The following NSUN3 variants were observed in gnomAD, a reference collection of about 807,000 sequenced individuals.
NSUN3 encodes the protein NOP2/Sun RNA methyltransferase 3.
A neutral mutation model predicts 36.8 loss-of-function variants in NSUN3; 24 were observed. The observed-to-expected ratio is 0.65, with a 90% CI of 0.47 to 0.92. The LOEUF (loss-of-function observed/expected upper bound fraction) is 0.92, where lower values mean the gene tolerates loss of function less well. Among genes scored for constraint, NSUN3 ranks in the 40% least tolerant of loss-of-function variants. The probability of loss-of-function intolerance (pLI) is 0.00; values close to 1 mark genes in which losing one functional copy is unlikely to be tolerated. For missense variants in NSUN3, 381 were observed against 392.8 expected, an observed-to-expected ratio of 0.97 and a Z score of 0.25; for synonymous variants, 146 against 145.2, an observed-to-expected ratio of 1.01 and a Z score of -0.04.
intron 5 of NSUN3, among the ~76,000 whole-genome samples, chr3:94,099,384 A>G (rs1337423142): frequency 6.6e-6 from 1 of 152,076 alleles, no homozygotes; most frequent in African/African-American, 2.4e-5. Flanking sequence ...CCTCTCTTCC[A>G]TCATCTTACT....
At chr3:94,099,119 A>G (rs975209719) in intron 5 of NSUN3, among the ~76,000 whole-genome samples, 5 of 152,230 alleles carry the variant, frequency 3.3e-5, no homozygotes, top group African/African-American at 1.2e-4. Flanking sequence ...TCTGACAAAA[A>G]TAATGATGTA....
chr3:94,091,775 C>G (rs1406697078), intron 3 of NSUN3, among the ~76,000 whole-genome samples: 2 of 152,154 alleles, frequency 1.3e-5, no homozygotes, highest in Non-Finnish European at 2.9e-5. Flanking sequence ...TTCTCTGAGG[C>G]CCTTAGTATT....
At chr3:94,088,657 A>ATAGGGACAGATCC (rs1318183651) in intron 3 of NSUN3, among the ~76,000 whole-genome samples, 15 of 150,042 alleles carry the variant, frequency 1.0e-4, no homozygotes, top group African/African-American at 3.7e-4. Flanking sequence ...GTCCTGGAGC[A>ATAGGGACAGATCC]TAGGGACAGA....
intron 2 of NSUN3, chr3:94,081,627 T>G (rs889148660): frequency 6.6e-6 from 1 of 152,230 alleles, no homozygotes; most frequent in African/African-American, 2.4e-5. Context: ...TTCTCATCCT[T>G]CAAGATTTAA....
At chr3:94,124,979 G>C (rs763234111) in intron 5 of NSUN3, among the ~76,000 whole-genome samples, 1 of 152,120 alleles carries the variant, frequency 6.6e-6, no homozygotes, top group Non-Finnish European at 1.5e-5. Context: ...CTCATTTTCA[G>C]TCAGTCTGTT....
At chr3:94,075,734 C>CA (rs1410770289) in intron 2 of NSUN3, among the ~76,000 whole-genome samples, 1 of 151,844 alleles carries the variant, frequency 6.6e-6, no homozygotes, top group African/African-American at 2.4e-5. Flanking sequence ...AATCAAGCCC[C>CA]CCCCCCCAAT....
intron 5 of NSUN3, among the ~76,000 whole-genome samples, chr3:94,117,007 T>C (rs971407321): frequency 4.8e-5 from 7 of 144,678 alleles, no homozygotes; most frequent in Non-Finnish European, 9.1e-5. Context: ...TTTTTTTTTT[T>C]TTTTTTTGGG....
intron 3 of NSUN3, among the ~76,000 whole-genome samples, chr3:94,092,468 T>C (rs748129818): frequency 1.1e-4 from 17 of 152,178 alleles, no homozygotes; most frequent in Non-Finnish European, 2.4e-4. Context: ...TTTAGACACC[T>C]ATTTAAGTTC....
At chr3:94,076,597 A>G in intron 2 of NSUN3, 1 of 878,368 alleles carries the variant, frequency 1.1e-6, no homozygotes, top group Admixed American at 1.7e-5. Flanking sequence ...CTGAAGCACT[A>G]AGTAAGTGCC....
intron 1 of NSUN3, 102 bp downstream of exon 1, chr3:94,063,240 T>G: frequency 8.7e-7 from 1 of 1,145,922 alleles, no homozygotes; most frequent in Non-Finnish European, 1.3e-6. Context: ...ACATCACCTT[T>G]GTTCGTCCCC....
chr3:94,072,066 C>G (rs2077226584), intron 2 of NSUN3, among the ~76,000 whole-genome samples: 1 of 152,134 alleles, frequency 6.6e-6, no homozygotes, highest in African/African-American at 2.4e-5. Flanking sequence ...GCCTGAGCAG[C>G]CTTAGCAGTC....
intron 5 of NSUN3, among the ~76,000 whole-genome samples, chr3:94,101,384 G>A (rs2107260705): frequency 6.6e-6 from 1 of 151,980 alleles, no homozygotes; most frequent in South Asian, 2.1e-4. Flanking sequence ...TATATATAAT[G>A]ATAAAAATAG....
chr3:94,077,043 G>A, intron 2 of NSUN3: 1 of 806,412 alleles, frequency 1.2e-6, no homozygotes, highest in Non-Finnish European at 2.3e-6. Flanking sequence ...GGGCAGTTAG[G>A]CTGGGCCACT....
chr3:94,063,236 C>T (rs1416370205), intron 1 of NSUN3, 98 bp downstream of exon 1: 1 of 1,188,008 alleles, frequency 8.4e-7, no homozygotes, highest in East Asian at 2.3e-5. Context: ...GGGAACATCA[C>T]CTTTGTTCGT....
chr3:94,105,505 G>A (rs1019068098), intron 5 of NSUN3, among the ~76,000 whole-genome samples: 25 of 152,020 alleles, frequency 1.6e-4, no homozygotes, highest in African/African-American at 5.8e-4. Context: ...GACTTCTTTA[G>A]GAAAAGATGG....
intron 2 of NSUN3, chr3:94,075,847 TCA>T: frequency 9.5e-7 from 1 of 1,055,996 alleles, no homozygotes; most frequent in Non-Finnish European, 1.4e-6. Flanking sequence ...CAGTGTTAAA[TCA>T]CTCTCAGGGT....
intron 2 of NSUN3, among the ~76,000 whole-genome samples, chr3:94,069,153 A>G (rs1449482674): frequency 1.3e-5 from 2 of 152,146 alleles, no homozygotes; most frequent in Non-Finnish European, 2.9e-5. Context: ...AAGGACTCTT[A>G]TGTTCAGGAT....
chr3:94,117,280 G>A (rs1164335417), intron 5 of NSUN3, among the ~76,000 whole-genome samples: 2 of 152,004 alleles, frequency 1.3e-5, no homozygotes, highest in African/African-American at 2.4e-5. Flanking sequence ...GATTACAGAC[G>A]TGAGTCACCA....
At chr3:94,097,294 A>G (rs2077345689) in intron 5 of NSUN3, among the ~76,000 whole-genome samples, 2 of 152,178 alleles carry the variant, frequency 1.3e-5, no homozygotes. Flanking sequence ...TTGGATTAGT[A>G]TCTGCATGTA....
Sources: allele counts gnomAD v4.1 joint callset (sites outside exome capture counted in the v4.1 genomes callset), GRCh38; gene constraint gnomAD v4.1.1; transcripts MANE v1.5; gene names NCBI Gene and HGNC (gene_info 2026-07-23, HGNC 2026-07-21).